The following VPS13C variants were observed in gnomAD, a reference collection of about 807,000 sequenced individuals.
The protein encoded by VPS13C is vacuolar protein sorting 13 homolog C.
A neutral mutation model predicts 456.8 loss-of-function variants in VPS13C; 358 were observed. The ratio of observed to expected loss-of-function variants is 0.78; its 90% CI spans 0.72 to 0.86. The LOEUF is 0.86. Among genes scored for constraint, VPS13C ranks in the 40% least tolerant of loss-of-function variants. The pLI is 0.00. For missense variants in VPS13C, 4,818 were observed against 4,385.4 expected (o/e 1.10, Z -2.79); for synonymous variants, 1,578 against 1,486.7 (o/e 1.06, Z -1.41).
rs1332505035 is a variant in VPS13C, at chr15:61,949,430, C to G, written c.4759+13G>C. 4 of 1,600,364 alleles carry G rather than the reference C, an allele frequency of 2.5e-6. No individual in the cohort carries two copies. The highest frequency in any genetic ancestry group is 3.4e-6 in the Non-Finnish European group (4 of 1,176,862). On this transcript the variant is annotated intron_variant, in intron 42 of 84. Transcript: ENST00000644861. ...TTCAAAGTATTATTAGATCATAATT[C>G]AAAAATTATTACCAGCTTTGACAGC...
intron 65 of VPS13C, among the ~76,000 whole-genome samples, chr15:61,907,944 T>C (rs1052784895): frequency 2.6e-5 from 4 of 152,044 alleles, no homozygotes; most frequent in African/African-American, 9.7e-5. Flanking sequence ...ATACAATACT[T>C]AAGATATATT....
At chr15:61,947,071 T>C in intron 43 of VPS13C, 122 bp downstream of exon 43, 1 of 624,762 alleles carries the variant, frequency 1.6e-6, no homozygotes, top group South Asian at 2.6e-5. Context: ...TTTGAAAAGT[T>C]TGCAAAGTCT....
rs143112212 is a variant in VPS13C at position 62,012,002 on chromosome 15, T to C, written c.883+105A>G. Reference sequence around the variant, plus strand: ...GTATCATAATAGTAAGGTATAAAATTAATATACTTTGACTAAGTAAGTTTA... The same window carrying C: ...GTATCATAATAGTAAGGTATAAAATCAATATACTTTGACTAAGTAAGTTTA... On this transcript the variant is annotated intron_variant, in intron 12 of 84. Coordinates refer to ENST00000644861, the MANE Select transcript of VPS13C (RefSeq NM_020821.3). 1,451 of 696,550 alleles carry C rather than the reference T, an allele frequency of 2.1e-3. 18 individuals are homozygous for C. In the African/African-American group the frequency reaches 0.024, roughly 12 times the overall value. 43.1% of individuals were successfully genotyped at this position (696,550 alleles called of 1,614,324 possible).
chr15:62,041,670 A>C (rs1005816139), intron 2 of VPS13C, among the ~76,000 whole-genome samples: 3 of 152,064 alleles, frequency 2.0e-5, no homozygotes, highest in Non-Finnish European at 4.4e-5. Context: ...ATACAAAAAA[A>C]TTAGCCTGGT....
chr15:61,893,704 GAT>G (rs1311449011), intron 66 of VPS13C, among the ~76,000 whole-genome samples: 3 of 151,438 alleles, frequency 2.0e-5, no homozygotes, highest in Non-Finnish European at 4.4e-5. Context: ...ATACAAAAAA[GAT>G]ATAAATTGAG....
At chr15:61,950,812 G>A in intron 40 of VPS13C, 133 bp downstream of exon 40, 1 of 630,894 alleles carries the variant, frequency 1.6e-6, no homozygotes, top group East Asian at 3.0e-5. Context: ...ATTTTCAGAT[G>A]CTTGCAAAAT....
chr15:61,880,309 C>T (rs1326761650), intron 73 of VPS13C, among the ~76,000 whole-genome samples: 2 of 152,100 alleles, frequency 1.3e-5, no homozygotes, highest in African/African-American at 4.8e-5. Context: ...TTACAAAGTG[C>T]AACCAAAACA....
intron 1 of VPS13C, among the ~76,000 whole-genome samples, chr15:62,059,671 T>C (rs371363961): frequency 1.3e-5 from 2 of 152,098 alleles, no homozygotes; most frequent in South Asian, 2.1e-4. Context: ...AAAGTAAATA[T>C]TAAAGGAAGA....
rs759075649 is a variant in VPS13C, at chr15:61,920,513, GA to G, written c.7196del (p.Phe2399SerfsTer4). On this transcript the variant is annotated frameshift_variant, in exon 56 of 85. Transcript: ENST00000644861. LOFTEE classifies it high-confidence loss of function. ...ITISKSCLNV[F>X]NNLAKGFSEG... ...TCAGACATACTTTTGCTAAATTGTT[GA>G]AAACATTAAGACAACTTTTGGATAT... 20 of 1,533,696 alleles carry G rather than the reference GA, an allele frequency of 1.3e-5. No homozygotes were observed. The highest frequency in any genetic ancestry group is 1.7e-5 in the Non-Finnish European group (19 of 1,141,974).
chr15:62,010,636 TG>T (rs1351521803), intron 12 of VPS13C, 37 bp from the exon 13 acceptor site: 13 of 1,540,416 alleles, frequency 8.4e-6, no homozygotes, highest in Non-Finnish European at 5.2e-6. Flanking sequence ...TATGTTCATA[TG>T]CTTTTACATA....
At chr15:61,902,884 GAAAA>G (rs71125957) in intron 66 of VPS13C, among the ~76,000 whole-genome samples, 1 of 128,346 alleles carries the variant, frequency 7.8e-6, no homozygotes, top group Non-Finnish European at 1.7e-5. Context: ...ATCCAAATTT[GAAAA>G]AAAAAAAAAA....
chr15:61,998,882 T>C (rs112732813), intron 16 of VPS13C, among the ~76,000 whole-genome samples: 2,853 of 152,320 alleles, frequency 0.019, 38 homozygotes, highest in Non-Finnish European at 0.03. Flanking sequence ...TTTATGGTGA[T>C]CGACTTCTAC....
chr15:62,015,194 A>G (rs1223520301), intron 9 of VPS13C, among the ~76,000 whole-genome samples: 2 of 152,094 alleles, frequency 1.3e-5, no homozygotes, highest in Non-Finnish European at 2.9e-5. Context: ...TAGAACACAG[A>G]TTCTATCCTC....
intron 16 of VPS13C, among the ~76,000 whole-genome samples, chr15:61,998,543 T>C (rs1307061671): frequency 3.3e-5 from 5 of 152,140 alleles, no homozygotes; most frequent in Non-Finnish European, 7.3e-5. Flanking sequence ...AAGACATAGG[T>C]ACTACTAATT....
At position 61,868,646 on chromosome 15, in the gene VPS13C, G is replaced by A; in HGVS notation, c.10863+13C>T. ...ATTCCATTTCACTCGTGACCATGAA[G>A]AACAAAATTTACCTCAAGTAAGTCA... On this transcript the variant is annotated intron_variant, in intron 81 of 84. Transcript: ENST00000644861. 1 of 1,611,022 alleles carries A rather than the reference G, an allele frequency of 6.2e-7. No individual in the cohort carries two copies.
At chr15:61,998,349 T>A (rs944844736) in intron 16 of VPS13C, among the ~76,000 whole-genome samples, 7 of 152,322 alleles carry the variant, frequency 4.6e-5, no homozygotes, top group Non-Finnish European at 5.9e-5. Context: ...TTGAAGTACT[T>A]ATTAACCTTG....
At chr15:61,922,829 T>G in intron 53 of VPS13C, 67 bp from the exon 54 acceptor site, 28 of 1,223,224 alleles carry the variant, frequency 2.3e-5, no homozygotes, top group Non-Finnish European at 3.0e-5. Flanking sequence ...TATACATACA[T>G]GATTTTAAGT....
At chr15:61,875,471 A>G (rs565321131) in intron 76 of VPS13C, among the ~76,000 whole-genome samples, 1 of 152,166 alleles carries the variant, frequency 6.6e-6, no homozygotes, top group Admixed American at 6.6e-5. Context: ...CAGTCTTGAA[A>G]GTCTTAATCT....
chr15:62,038,062 T>A (rs574628951), intron 3 of VPS13C, among the ~76,000 whole-genome samples: 17 of 151,946 alleles, frequency 1.1e-4, no homozygotes, highest in African/African-American at 4.1e-4. Context: ...AATAGCAGGG[T>A]GATAAAGTTG....
Sources: gnomAD v4.1 joint callset for allele counts (sites outside exome capture counted in the v4.1 genomes callset) on GRCh38, gnomAD v4.1.1 for gene constraint, MANE v1.5 for transcripts, NCBI Gene and HGNC (gene_info 2026-07-23, HGNC 2026-07-21) for gene names.